Variants in PPP4R3B observed in about 807,000 individuals in gnomAD.
PPP4R3B encodes protein phosphatase 4 regulatory subunit 3B.
PPP4R3B carries 52 observed loss-of-function variants against 95.4 expected under a neutral mutation model. The ratio of observed to expected loss-of-function variants is 0.54; its 90% CI spans 0.44 to 0.69. The LOEUF is 0.69. PPP4R3B is among the 30% of genes least tolerant of loss of function. The pLI is 0.00. For synonymous variants in PPP4R3B, 407 were observed against 343.9 expected (o/e 1.18, Z -2.03); for missense variants, 1,003 against 1,005.9 (o/e 1.00, Z 0.04).
intron 12 of PPP4R3B, among the ~76,000 whole-genome samples, chr2:55,570,087 T>C (rs1373309321): frequency 2.0e-5 from 3 of 151,986 alleles, no homozygotes; most frequent in Admixed American, 2.0e-4. Flanking sequence ...CCGTCTTTAC[T>C]AAAATACAAA....
chr2:55,584,137 C>A (rs1040648570), intron 7 of PPP4R3B, among the ~76,000 whole-genome samples: 1 of 151,910 alleles, frequency 6.6e-6, no homozygotes. Flanking sequence ...CAAGAGTGAA[C>A]CTCTGTCTCA....
At chr2:55,570,341 G>C (rs1299985529) in intron 12 of PPP4R3B, among the ~76,000 whole-genome samples, 1 of 152,138 alleles carries the variant, frequency 6.6e-6, no homozygotes, top group East Asian at 1.9e-4. Context: ...ATTTTACCTG[G>C]CTAAATATGC....
At chr2:55,597,406 A>C (rs540337025) in intron 4 of PPP4R3B, among the ~76,000 whole-genome samples, 1 of 151,934 alleles carries the variant, frequency 6.6e-6, no homozygotes, top group South Asian at 2.1e-4. Flanking sequence ...GTGGATCACA[A>C]GGTCAGGAGA....
intron 2 of PPP4R3B, 137 bp from the exon 3 acceptor site, chr2:55,604,213 G>A (rs2103761101): frequency 4.1e-6 from 2 of 489,226 alleles, no homozygotes; most frequent in Non-Finnish European, 3.5e-6. Context: ...ATATCTGATT[G>A]GCATTATTAG....
At chr2:55,590,724 C>A (rs1241054452) in intron 4 of PPP4R3B, among the ~76,000 whole-genome samples, 2 of 152,286 alleles carry the variant, frequency 1.3e-5, no homozygotes, top group East Asian at 3.9e-4. Context: ...ACAATAGTAT[C>A]TGTAGAGTTG....
intron 15 of PPP4R3B, among the ~76,000 whole-genome samples, chr2:55,562,248 C>G (rs1490294506): frequency 6.6e-6 from 1 of 151,984 alleles, no homozygotes; most frequent in Non-Finnish European, 1.5e-5. Flanking sequence ...ATGGTGAAAC[C>G]CCATCTCTAT....
At chr2:55,557,077 C>CAAT (rs1553460450) in intron 16 of PPP4R3B, among the ~76,000 whole-genome samples, 3 of 151,958 alleles carry the variant, frequency 2.0e-5, no homozygotes, top group African/African-American at 7.3e-5. Context: ...ACGACGACGA[C>CAAT]GACGACGAAG....
At chr2:55,587,390 C>T (rs1436455285) in intron 5 of PPP4R3B, among the ~76,000 whole-genome samples, 1 of 152,150 alleles carries the variant, frequency 6.6e-6, no homozygotes, top group Non-Finnish European at 1.5e-5. Flanking sequence ...TTGAGACCAG[C>T]CTGCCCAACA....
intron 16 of PPP4R3B, among the ~76,000 whole-genome samples, chr2:55,553,772 A>G (rs927224081): frequency 1.3e-5 from 2 of 152,256 alleles, no homozygotes; most frequent in African/African-American, 4.8e-5. Flanking sequence ...TATGCTTAGC[A>G]TATCAGGACT....
At chr2:55,602,681 G>A (rs1692792648) in intron 3 of PPP4R3B, among the ~76,000 whole-genome samples, 1 of 152,226 alleles carries the variant, frequency 6.6e-6, no homozygotes, top group Non-Finnish European at 1.5e-5. Context: ...ACTGCTGGGA[G>A]AAGTAAGTGC....
At chr2:55,588,796 T>C (rs893443307) in intron 5 of PPP4R3B, 83 bp downstream of exon 5, 16 of 789,982 alleles carry the variant, frequency 2.0e-5, no homozygotes, top group South Asian at 6.1e-5. Context: ...CAAAAAATTG[T>C]CTCAAGTTAG....
intron 4 of PPP4R3B, among the ~76,000 whole-genome samples, chr2:55,590,385 G>A (rs192336074): frequency 2.2e-4 from 34 of 152,142 alleles, no homozygotes; most frequent in African/African-American, 7.0e-4. Flanking sequence ...TAGGAGTACC[G>A]GTTAGACTGT....
intron 13 of PPP4R3B, among the ~76,000 whole-genome samples, chr2:55,567,557 A>G (rs1350124644): frequency 1.3e-5 from 2 of 152,118 alleles, no homozygotes; most frequent in African/African-American, 4.8e-5. Context: ...CTGGGACTAC[A>G]GGCGTGTGCC....
At chr2:55,592,589 T>G (rs1691188217) in intron 4 of PPP4R3B, among the ~76,000 whole-genome samples, 2 of 152,112 alleles carry the variant, frequency 1.3e-5, no homozygotes, top group African/African-American at 4.8e-5. Context: ...AGTTAGAAAT[T>G]TTTCTCTTTC....
At chr2:55,569,040 A>G (rs1687648840) in intron 12 of PPP4R3B, among the ~76,000 whole-genome samples, 1 of 152,210 alleles carries the variant, frequency 6.6e-6, no homozygotes, top group South Asian at 2.1e-4. Context: ...TATGAATATC[A>G]TTAATCATTA....
At chr2:55,597,208 C>A (rs762218142) in intron 4 of PPP4R3B, among the ~76,000 whole-genome samples, 2 of 152,040 alleles carry the variant, frequency 1.3e-5, no homozygotes, top group African/African-American at 4.8e-5. Flanking sequence ...TGAAACTGGC[C>A]GGGCACAGTG....
intron 12 of PPP4R3B, among the ~76,000 whole-genome samples, chr2:55,570,118 C>A (rs1393673961): frequency 6.6e-6 from 1 of 152,094 alleles, no homozygotes; most frequent in Non-Finnish European, 1.5e-5. Flanking sequence ...GGTGTGCTGG[C>A]AGGCGCCTGT....
At chr2:55,559,102 C>T (rs1173611658) in intron 15 of PPP4R3B, 134 bp from the exon 16 acceptor site, 4 of 648,498 alleles carry the variant, frequency 6.2e-6, no homozygotes, top group Admixed American at 3.3e-5. Context: ...AATCCCAACA[C>T]TTTGGGAGGC....
chr2:55,564,707 T>G (rs1329260046), intron 14 of PPP4R3B, among the ~76,000 whole-genome samples, 195 bp downstream of exon 14: 1 of 152,192 alleles, frequency 6.6e-6, no homozygotes, highest in African/African-American at 2.4e-5. Flanking sequence ...ATATTCTTCG[T>G]AAGTTACAAC....
Sources: gnomAD v4.1 joint callset for allele counts (sites outside exome capture counted in the v4.1 genomes callset) on GRCh38, gnomAD v4.1.1 for gene constraint, MANE v1.5 for transcripts, NCBI Gene and HGNC (gene_info 2026-07-23, HGNC 2026-07-21) for gene names.